The following STAB2 variants were observed in gnomAD, a reference collection of about 807,000 sequenced individuals.
STAB2 encodes stabilin 2, also known as stabilin-2.
A neutral mutation model predicts 338.1 loss-of-function variants in STAB2; 288 were observed. The ratio of observed to expected loss-of-function variants is 0.85; its 90% confidence interval spans 0.77 to 0.94. STAB2 has a LOEUF of 0.94. Among genes scored for constraint, STAB2 ranks in the 40% least tolerant of loss-of-function variants. The pLI, the probability that STAB2 is intolerant of heterozygous loss-of-function variation, is 0.00. For synonymous variants in STAB2, 1,202 were observed against 1,193.3 expected, an observed-to-expected ratio of 1.01 and a Z score of -0.15; for missense variants, 3,141 against 3,210.1, an observed-to-expected ratio of 0.98 and a Z score of 0.52.
At chr12:103,614,760 C>G (rs1392439435) in intron 3 of STAB2, among the ~76,000 whole-genome samples, 1 of 152,192 alleles carries the variant, frequency 6.6e-6, no homozygotes, top group African/African-American at 2.4e-5. Context: ...TGCTTCCCAG[C>G]AGCCTCCTAG....
rs1201852288 is a variant in STAB2, at chr12:103,729,337, C to T, written c.5082+342C>T. 3.9e-5 allele frequency among the ~76,000 whole-genome samples: 6 copies of T among 151,968 alleles called. No homozygotes were observed. In the East Asian group the frequency reaches 1.2e-3, roughly 29 times the overall value. ...CTGTGTAGCAAACCTGCATATGTTC[C>T]CCTGAACATAAAAGTTGTTTGCTTT... On this transcript the variant is annotated intron_variant, in intron 48 of 68. Transcript: ENST00000388887.
chr12:103,744,565 C>G (rs1048617379), intron 56 of STAB2, among the ~76,000 whole-genome samples: 49 of 150,840 alleles, frequency 3.2e-4, no homozygotes, highest in African/African-American at 1.2e-3. Flanking sequence ...ATCTTGGGCT[C>G]AAGCAGTCCT....
At chr12:103,693,522 AG>A (rs10708785) in intron 31 of STAB2, among the ~76,000 whole-genome samples, 68,545 of 151,854 alleles carry the variant, frequency 0.45, 15,476 homozygotes, top group East Asian at 0.53. Flanking sequence ...CAAGAACTGG[AG>A]GGAGAGGCAT....
chr12:103,701,786 A>G (rs1350347268), intron 34 of STAB2, among the ~76,000 whole-genome samples: 1 of 151,778 alleles, frequency 6.6e-6, no homozygotes, highest in Admixed American at 6.6e-5. Context: ...CAACATCCAA[A>G]TGGAAGCTCA....
rs771561340 is a variant in STAB2 at position 103,652,715 on chromosome 12, C to T, written c.1407+10C>T. The T allele has an allele frequency of 6.4e-7, 1 of 1,562,696 alleles. No homozygotes were observed. Among genetic ancestry groups the T allele is most frequent in the Non-Finnish European group, 8.7e-7 (1 of 1,155,272 alleles). ...CTTCAACAGCGATAAGGTAAGGGTT[C>T]CTCTGATTTTCACTCCCAGAACTAA... On this transcript the variant is annotated intron_variant, in intron 12 of 68. Coordinates refer to ENST00000388887, the MANE Select transcript of STAB2 (RefSeq NM_017564.10).
Position 103,688,153 on chromosome 12 carries a change from C to T in STAB2, c.2998-15C>T, listed in dbSNP as rs571289573. On this transcript the variant is annotated splice_polypyrimidine_tract_variant and intron_variant, in intron 27 of 68. Coordinates refer to ENST00000388887, the MANE Select transcript of STAB2 (RefSeq NM_017564.10). ...CTCCCATCTCTTCTTCCCTCCCTTG[C>T]ATGATATGAATAAGGAATTGTCATT... 6.2e-7 allele frequency: 1 copy of T among 1,612,296 alleles called. No homozygotes were observed. Among genetic ancestry groups the T allele is most frequent in the South Asian group, 1.1e-5 (1 of 91,020 alleles).
chr12:103,749,699 G>C (rs1883423635), intron 59 of STAB2, among the ~76,000 whole-genome samples: 1 of 151,434 alleles, frequency 6.6e-6, no homozygotes, highest in African/African-American at 2.4e-5. Flanking sequence ...AATTAGCCGG[G>C]CATGGTGGCG....
At chr12:103,632,937 G>C (rs1239727300) in intron 6 of STAB2, among the ~76,000 whole-genome samples, 2 of 152,226 alleles carry the variant, frequency 1.3e-5, no homozygotes, top group Non-Finnish European at 2.9e-5. Context: ...AAATGAAAGG[G>C]TTGGGTGAGA....
At chr12:103,765,270 T>A (rs926104384) in intron 68 of STAB2, among the ~76,000 whole-genome samples, 1 of 152,124 alleles carries the variant, frequency 6.6e-6, no homozygotes, top group Non-Finnish European at 1.5e-5. Context: ...ATCAGCACCA[T>A]GCATGAAAGA....
intron 3 of STAB2, among the ~76,000 whole-genome samples, chr12:103,597,526 ATCT>A (rs1956895331): frequency 6.6e-6 from 1 of 152,226 alleles, no homozygotes; most frequent in Non-Finnish European, 1.5e-5. Context: ...AATTACTATC[ATCT>A]TCTAAAATTA....
At position 103,652,713 on chromosome 12, in the gene STAB2, T is replaced by A; in HGVS notation, c.1407+8T>A. 2 of 1,567,502 alleles carry A rather than the reference T, an allele frequency of 1.3e-6. No homozygotes were observed. The highest frequency in any genetic ancestry group is 1.7e-6 in the Non-Finnish European group (2 of 1,157,690). On this transcript the variant is annotated splice_region_variant and intron_variant, in intron 12 of 68. Coordinates refer to ENST00000388887, the MANE Select transcript of STAB2 (RefSeq NM_017564.10). ...ATCTTCAACAGCGATAAGGTAAGGG[T>A]TCCTCTGATTTTCACTCCCAGAACT...
intron 52 of STAB2, 30 bp downstream of exon 52, chr12:103,735,610 A>AG (rs1303535508): frequency 1.9e-6 from 1 of 536,556 alleles, no homozygotes; most frequent in Non-Finnish European, 3.6e-6. Flanking sequence ...GTGGGCAGGG[A>AG]GGGGTTAACA....
At chr12:103,681,220 T>C (rs1198247187) in intron 25 of STAB2, among the ~76,000 whole-genome samples, 1 of 152,168 alleles carries the variant, frequency 6.6e-6, no homozygotes. Context: ...ACTGCAGTCT[T>C]ATGTCTTGCC....
intron 5 of STAB2, among the ~76,000 whole-genome samples, chr12:103,624,081 A>G (rs1957344532): frequency 1.3e-5 from 2 of 152,178 alleles, no homozygotes; most frequent in South Asian, 4.1e-4. Context: ...TTCGATTCAA[A>G]TATTTTTGGC....
At chr12:103,658,495 A>T (rs1874361879) in intron 15 of STAB2, among the ~76,000 whole-genome samples, 2 of 152,144 alleles carry the variant, frequency 1.3e-5, no homozygotes, top group African/African-American at 4.8e-5. Context: ...TGTCAAAAGG[A>T]TACAATAATT....
At chr12:103,731,693 GTTTGT>G (rs1411864967) in intron 50 of STAB2, 58 bp downstream of exon 50, 1 of 1,544,036 alleles carries the variant, frequency 6.5e-7, no homozygotes, top group African/African-American at 1.4e-5. Flanking sequence ...GTTTTGTTTT[GTTTGT>G]TTTGTTGTTG....
At position 103,594,445 on chromosome 12, in the gene STAB2, A is replaced by T. The variant is rs561678890; in HGVS notation, c.266A>T (p.His89Leu). Residue 89 changes from histidine to leucine, a missense_variant, in exon 3 of 69, where the codon CAT becomes CTT. By Grantham distance (99) the His-to-Leu change is moderately conservative. Transcript: ENST00000388887. Reference protein sequence around the residue: ...TYSLSLPGCRHICRKDYLQPR... With the variant: ...TYSLSLPGCRLICRKDYLQPR... ...TCTCTGTCTCTCCCCGGATGCCGCC[A>T]TATTTGTAGGAAGGACTATCTCCAA... 26 of 1,613,948 alleles carry T rather than the reference A, an allele frequency of 1.6e-5. 1 individual carries two copies. The South Asian group carries it at 2.4e-4, about 15-fold the overall frequency.
rs982985409 is a variant in STAB2, at chr12:103,675,687, G to C, written c.2553-241G>C. ...TCCTCATGAGAAATAAGATCTCTCAGTTGTTAAGGGACTCGTGCAGTGTCA... is the reference window on the plus strand; with the variant it reads ...TCCTCATGAGAAATAAGATCTCTCACTTGTTAAGGGACTCGTGCAGTGTCA... On this transcript the variant is annotated intron_variant, in intron 23 of 68. Coordinates refer to ENST00000388887, the MANE Select transcript of STAB2 (RefSeq NM_017564.10). Among the ~76,000 whole-genome samples the C allele has an allele frequency of 4.6e-5, 7 of 152,356 alleles. No homozygotes were observed. The Middle Eastern group carries it at 0.01, about 222-fold the overall frequency.
Position 103,695,717 on chromosome 12 carries a change from CTT to C in STAB2, c.3475-19_3475-18del. The C allele has an allele frequency of 1.2e-6, 2 of 1,614,182 alleles. No homozygotes were observed. Among genetic ancestry groups the C allele is most frequent in the Non-Finnish European group, 1.7e-6 (2 of 1,179,998 alleles). The stretch of plus-strand genomic sequence containing the variant: ...CAGGAACAGGAATCCCTCATGCACT[CTT>C]GTCTCTTTCCATCGCAGCAATATAA... On this transcript the variant is annotated intron_variant, in intron 32 of 68. Coordinates refer to ENST00000388887, the MANE Select transcript of STAB2 (RefSeq NM_017564.10).
Sources: allele counts gnomAD v4.1 joint callset (sites outside exome capture counted in the v4.1 genomes callset), GRCh38; gene constraint gnomAD v4.1.1; transcripts MANE v1.5; gene names NCBI Gene and HGNC (gene_info 2026-07-23, HGNC 2026-07-21).